OPALIN: variants seen among roughly 807,000 people sequenced by gnomAD.
The protein encoded by OPALIN is transmembrane protein 10.
A neutral mutation model predicts 17.8 loss-of-function variants in OPALIN; 15 were observed. That is an observed-to-expected ratio of 0.84 (90% CI 0.56 to 1.29). The LOEUF is 1.29. OPALIN is among the 50% of genes most tolerant of loss of function. The pLI is 0.00. For missense variants in OPALIN, 170 were observed against 176.0 expected (o/e 0.97, Z 0.19); for synonymous variants, 62 against 63.8 (o/e 0.97, Z 0.14).
chr10:96,358,186 T>TAAAAAAAAAAAAAAAAAAAAAAAAAA (rs61616596), intron 1 of OPALIN, among the ~76,000 whole-genome samples: 1 of 61,590 alleles, frequency 1.6e-5, no homozygotes, highest in African/African-American at 5.1e-5. Flanking sequence ...ATGCTTTTTG[T>TAAAAAAAAAAAAAAAAAAAAAAAAAA]AAAAAAAAAA....
intron 2 of OPALIN, 95 bp downstream of exon 2, chr10:96,355,160 G>C: frequency 1.4e-6 from 1 of 704,062 alleles, no homozygotes; most frequent in African/African-American, 1.9e-5. Context: ...ACTTATCACC[G>C]TGTGTGAGGG....
Position 96,356,809 on chromosome 10 carries a change from C to A in OPALIN, c.4-1519G>T, listed in dbSNP as rs113348381. On this transcript the variant is annotated intron_variant, in intron 1 of 5. Coordinates refer to ENST00000371172, the MANE Select transcript of OPALIN (RefSeq NM_033207.5). ...GTGGTGCCTCTGCTCACTTCTCCCCCTCTTGGCAATAGGACACCCGCATTT... is the reference window on the plus strand; with the variant it reads ...GTGGTGCCTCTGCTCACTTCTCCCCATCTTGGCAATAGGACACCCGCATTT... 39 of 869,348 alleles carry A rather than the reference C, an allele frequency of 4.5e-5. No homozygotes were observed. In the African/African-American group the frequency reaches 6.5e-4, roughly 15 times the overall value. 53.9% of individuals were successfully genotyped at this position (869,348 alleles called of 1,614,324 possible). A position where few individuals can be genotyped will look rare whatever the true frequency, so the allele number is the denominator to read the frequency against.
chr10:96,356,538 G>A (rs914741818), intron 1 of OPALIN, among the ~76,000 whole-genome samples: 1 of 152,150 alleles, frequency 6.6e-6, no homozygotes, highest in Non-Finnish European at 1.5e-5. Context: ...ATGGGCCGCA[G>A]TCTATGTGAC....
intron 2 of OPALIN, among the ~76,000 whole-genome samples, chr10:96,352,838 G>C (rs1845644362): frequency 6.6e-6 from 1 of 152,182 alleles, no homozygotes; most frequent in Non-Finnish European, 1.5e-5. Context: ...CTTCGCTCCA[G>C]AGCAGCACGG....
intron 2 of OPALIN, among the ~76,000 whole-genome samples, chr10:96,352,798 T>C (rs1216779730): frequency 6.6e-6 from 1 of 152,082 alleles, no homozygotes; most frequent in Non-Finnish European, 1.5e-5. Context: ...AACGGGGAAC[T>C]TGTGTGAACC....
intron 1 of OPALIN, chr10:96,356,832 T>C: frequency 1.0e-6 from 1 of 969,342 alleles, no homozygotes; most frequent in African/African-American, 1.8e-5. Context: ...GACACCCGCA[T>C]TTTATAGAGA....
chr10:96,347,535 G>A (rs112992153), intron 5 of OPALIN, among the ~76,000 whole-genome samples: 3 of 151,398 alleles, frequency 2.0e-5, no homozygotes, highest in African/African-American at 7.3e-5. Flanking sequence ...GCAGTGGTGC[G>A]ATCTCAGCTC....
chr10:96,354,539 G>T (rs1347221048), intron 2 of OPALIN, among the ~76,000 whole-genome samples: 1 of 152,060 alleles, frequency 6.6e-6, no homozygotes, highest in African/African-American at 2.4e-5. Context: ...AACAGTTATG[G>T]TTATAAAGAC....
chr10:96,349,452 A>T (rs939841206), intron 4 of OPALIN, among the ~76,000 whole-genome samples: 1 of 152,166 alleles, frequency 6.6e-6, no homozygotes, highest in East Asian at 1.9e-4. Flanking sequence ...ATCCTTCTCC[A>T]CTGCTACTTT....
rs1845188308 is a variant in OPALIN at position 96,343,662 on chromosome 10, CT to C, written c.*2278del. The C allele has an allele frequency of 6.6e-6, 1 of 152,318 alleles. No homozygotes were observed. The highest frequency in any genetic ancestry group is 2.4e-5 in the African/African-American group (1 of 41,566). 9.4% of individuals were successfully genotyped at this position (152,318 alleles called of 1,614,324 possible). On this transcript the variant is annotated 3_prime_UTR_variant, in exon 6 of 6. Coordinates refer to ENST00000371172, the MANE Select transcript of OPALIN (RefSeq NM_033207.5). ...CAAGCACCAGGATGACTGGGAATGT[CT>C]GTTTAAAAATGGCTAAATCTGCTTG...
At chr10:96,356,701 C>T (rs768815790) in intron 1 of OPALIN, among the ~76,000 whole-genome samples, 49 of 152,192 alleles carry the variant, frequency 3.2e-4, no homozygotes, top group Middle Eastern at 3.2e-3. Flanking sequence ...TTTTAAGCAC[C>T]TAGAATGTGT....
Position 96,355,253 on chromosome 10 carries a change from A to G in OPALIN, c.39+2T>C. On this transcript the variant is annotated splice_donor_variant, in intron 2 of 5. Coordinates refer to ENST00000371172, the MANE Select transcript of OPALIN (RefSeq NM_033207.5). LOFTEE classifies it high-confidence loss of function. ...CTGGTGAATGGGGGCTGCTGTACTT[A>G]CTGTGTTCGCCGGCAGGGTGAAGTT... 6.2e-7 allele frequency: 1 copy of G among 1,613,164 alleles called. No homozygotes were observed. Among genetic ancestry groups the G allele is most frequent in the South Asian group, 1.1e-5 (1 of 91,024 alleles).
rs1845229201 is a variant in OPALIN, at chr10:96,344,510, T to A, written c.*1431A>T. ...AAAATGGGAAGAGGAGTTACTGGGA[T>A]AAGAGAAAGCTGGAGGGTGGCCTCT... On this transcript the variant is annotated 3_prime_UTR_variant, in exon 6 of 6. Transcript: ENST00000371172. 1 of 151,110 alleles carries A rather than the reference T, an allele frequency of 6.6e-6. No individual in the cohort carries two copies. Among genetic ancestry groups the A allele is most frequent in the African/African-American group, 2.4e-5 (1 of 41,066 alleles). The allele number at this position is 151,110 out of a possible 1,614,324, so 9.4% of individuals were successfully genotyped here. A position where few individuals can be genotyped will look rare whatever the true frequency, so the allele number is the denominator to read the frequency against.
At position 96,346,041 on chromosome 10, in the gene OPALIN, G is replaced by C. The variant is rs754016314; in HGVS notation, c.326C>G (p.Ala109Gly). 14 of 1,613,972 alleles carry C rather than the reference G, an allele frequency of 8.7e-6. No individual in the cohort carries two copies. The highest frequency in any genetic ancestry group is 8.3e-5 in the Admixed American group (5 of 60,000). Residue 109 changes from alanine to glycine, a missense_variant, in exon 6 of 6, where the codon GCA (alanine) becomes GGA (glycine). Coordinates refer to ENST00000371172, the MANE Select transcript of OPALIN (RefSeq NM_033207.5). ...GTCATGCACAGGTTCCTCGCTTCCTGCTACAGTCTTCACATATATGTGGGC... is the reference window on the plus strand; with the variant it reads ...GTCATGCACAGGTTCCTCGCTTCCTCCTACAGTCTTCACATATATGTGGGC... ...QEAHIYVKTVAGSEEPVHDRY... is the reference protein window; with the variant it reads ...QEAHIYVKTVGGSEEPVHDRY...
rs1312727672 is a variant in OPALIN at position 96,345,888 on chromosome 10, G to C, written c.*53C>G. 1 of 1,564,692 alleles carries C rather than the reference G, an allele frequency of 6.4e-7. No homozygotes were observed. The highest frequency in any genetic ancestry group is 8.7e-7 in the Non-Finnish European group (1 of 1,149,160). On this transcript the variant is annotated 3_prime_UTR_variant, in exon 6 of 6. Coordinates refer to ENST00000371172, the MANE Select transcript of OPALIN (RefSeq NM_033207.5). ...CTTTCCTCTCCAAGTACAAAACCCT[G>C]GGTTTTCAACCCTGTTCCAGTGCCA...
intron 1 of OPALIN, among the ~76,000 whole-genome samples, chr10:96,355,949 A>T (rs948299162): frequency 6.6e-6 from 1 of 152,200 alleles, no homozygotes; most frequent in Non-Finnish European, 1.5e-5. Context: ...TGGAGCACCA[A>T]GTAGCCTGCC....
chr10:96,352,560 C>G (rs1019504118), intron 2 of OPALIN, among the ~76,000 whole-genome samples: 1 of 152,018 alleles, frequency 6.6e-6, no homozygotes, highest in East Asian at 1.9e-4. Context: ...CCCCTACCCC[C>G]ACACTACTTT....
At chr10:96,351,459 ATATACAT>A in intron 2 of OPALIN, 49 bp from the exon 3 acceptor site, 1 of 1,202,860 alleles carries the variant, frequency 8.3e-7, no homozygotes, top group Non-Finnish European at 1.2e-6. Flanking sequence ...AGTCTATAGA[ATATACAT>A]TATACAAGAC....
intron 2 of OPALIN, among the ~76,000 whole-genome samples, chr10:96,352,891 T>G (rs1424570192): frequency 6.6e-6 from 1 of 152,176 alleles, no homozygotes; most frequent in Non-Finnish European, 1.5e-5. Context: ...TCTCTCTTTC[T>G]CTCCAGATGG....
Sources: allele counts gnomAD v4.1 joint callset (sites outside exome capture counted in the v4.1 genomes callset), GRCh38; gene constraint gnomAD v4.1.1; transcripts MANE v1.5; gene names NCBI Gene and HGNC (gene_info 2026-07-23, HGNC 2026-07-21).